Variants in NBAS observed in about 807,000 individuals in gnomAD.
NBAS encodes the protein NBAS subunit of NRZ tethering complex.
Under a neutral mutation model 302.5 loss-of-function variants are expected in NBAS, and 219 were observed. That is an observed-to-expected ratio of 0.72 (90% CI 0.65 to 0.81). NBAS has a LOEUF of 0.81. NBAS is among the 30% of genes least tolerant of loss of function. The probability of loss-of-function intolerance (pLI) is 0.00; values close to 1 mark genes in which losing one functional copy is unlikely to be tolerated. For synonymous variants in NBAS, 1,118 were observed against 1,021.6 expected (o/e 1.09, Z -1.80); for missense variants, 2,932 against 2,841.6 (o/e 1.03, Z -0.72).
At chr2:15,542,593 C>T (rs1162780450) in intron 6 of NBAS, among the ~76,000 whole-genome samples, 2 of 149,260 alleles carry the variant, frequency 1.3e-5, no homozygotes, top group East Asian at 3.9e-4. Flanking sequence ...TGCCAAATCC[C>T]CCTCTGCGAG....
chr2:15,239,558 C>A (rs1453588689), intron 44 of NBAS, among the ~76,000 whole-genome samples: 1 of 151,712 alleles, frequency 6.6e-6, no homozygotes, highest in Non-Finnish European at 1.5e-5. Context: ...TAAGCATTTC[C>A]TTTGAGCATC....
chr2:15,475,427 G>A (rs1029207073), intron 14 of NBAS, among the ~76,000 whole-genome samples: 3 of 151,890 alleles, frequency 2.0e-5, no homozygotes, highest in South Asian at 2.1e-4. Context: ...ATGACTAATC[G>A]AGGGAGGAAA....
intron 44 of NBAS, among the ~76,000 whole-genome samples, chr2:15,246,128 C>T (rs942638397): frequency 6.6e-5 from 10 of 152,198 alleles, no homozygotes; most frequent in African/African-American, 2.2e-4. Flanking sequence ...GAAATGTCTC[C>T]TTAGATTCCC....
At chr2:15,053,416 C>A in the NBAS span, among the ~76,000 whole-genome samples, 1 of 152,192 alleles carries the variant, frequency 6.6e-6, no homozygotes, top group South Asian at 2.1e-4. Context: ...GACCTTGAAC[C>A]AGGTCTAAGC....
the NBAS span, among the ~76,000 whole-genome samples, chr2:14,844,741 A>T: frequency 1.7e-3 from 263 of 152,270 alleles, no homozygotes; most frequent in African/African-American, 6.1e-3. Context: ...TGGGACCTTA[A>T]GGGAATATCA....
intron 40 of NBAS, among the ~76,000 whole-genome samples, chr2:15,297,765 A>C (rs963061766): frequency 6.6e-6 from 1 of 152,184 alleles, no homozygotes; most frequent in African/African-American, 2.4e-5. Flanking sequence ...CAAATGACAG[A>C]TTTTCAATGA....
intron 44 of NBAS, among the ~76,000 whole-genome samples, chr2:15,273,792 T>C (rs962650630): frequency 4.6e-5 from 7 of 152,080 alleles, no homozygotes; most frequent in Admixed American, 2.6e-4. Context: ...ATCACCCTTA[T>C]TGGCCGGGTG....
intron 8 of NBAS, among the ~76,000 whole-genome samples, chr2:15,535,742 A>C (rs1326910807): frequency 6.6e-6 from 1 of 152,172 alleles, no homozygotes; most frequent in Admixed American, 6.5e-5. Context: ...TACATGTTCA[A>C]TACAGACACA....
At chr2:15,000,745 C>T in the NBAS span, among the ~76,000 whole-genome samples, 1 of 152,276 alleles carries the variant, frequency 6.6e-6, no homozygotes, top group Non-Finnish European at 1.5e-5. Context: ...GGACGTTCTA[C>T]AAAGGCAAGC....
At chr2:15,051,813 AG>A in the NBAS span, among the ~76,000 whole-genome samples, 1 of 152,214 alleles carries the variant, frequency 6.6e-6, no homozygotes, top group Non-Finnish European at 1.5e-5. Flanking sequence ...GGACCAATTA[AG>A]GAACAACCCA....
chr2:15,342,492 A>G (rs1032350252), intron 35 of NBAS, among the ~76,000 whole-genome samples: 6 of 152,142 alleles, frequency 3.9e-5, no homozygotes, highest in African/African-American at 1.4e-4. Context: ...TTACAAAACA[A>G]AATAATAAAC....
chr2:15,034,018 GAAGAAGAAGAGGAGGAGGA>G, the NBAS span, among the ~76,000 whole-genome samples: 7 of 66,984 alleles, frequency 1.0e-4, no homozygotes, highest in African/African-American at 4.7e-4. Flanking sequence ...AGAAGAAGAA[GAAGAAGAAGAGGAGGAGGA>G]AGGAGGAGGA....
At chr2:15,101,865 C>A in the NBAS span, among the ~76,000 whole-genome samples, 1 of 152,214 alleles carries the variant, frequency 6.6e-6, no homozygotes. Flanking sequence ...AGTGACTAAT[C>A]TGAGGGATGC....
At chr2:14,993,150 T>C in the NBAS span, among the ~76,000 whole-genome samples, 1 of 152,126 alleles carries the variant, frequency 6.6e-6, no homozygotes, top group East Asian at 1.9e-4. Flanking sequence ...ACATTACATA[T>C]AGCACCTCAC....
chr2:15,216,137 G>A (rs1232588161), intron 48 of NBAS, among the ~76,000 whole-genome samples: 1 of 152,168 alleles, frequency 6.6e-6, no homozygotes, highest in Non-Finnish European at 1.5e-5. Context: ...TAAAGGAGGA[G>A]GGGGACACTC....
rs748340812 is a variant in NBAS at position 15,539,355 on chromosome 2, A to G, written c.381T>C (p.Val127=). ...TCCACTGGGGTTTCGGGTCTTTCGG[A>G]ACTAGAACAAAAGAAAACAAGAGGT... ...DFTSIIGKCQ[V]PKDPKPQWRR... is the part of the protein sequence containing the mutation. The change falls in exon 7 of 52, where the codon GTT becomes GTC. Residue 127 remains valine (V), a splice_region_variant and synonymous_variant. Coordinates refer to ENST00000281513, the MANE Select transcript of NBAS (RefSeq NM_015909.4). The G allele has an allele frequency of 6.2e-7, 1 of 1,614,202 alleles. No individual in the cohort carries two copies. Among genetic ancestry groups the G allele is most frequent in the Non-Finnish European group, 8.5e-7 (1 of 1,180,028 alleles).
At chr2:15,170,015 A>T (rs1218451800) in intron 51 of NBAS, among the ~76,000 whole-genome samples, 3 of 152,256 alleles carry the variant, frequency 2.0e-5, no homozygotes, top group African/African-American at 7.2e-5. Flanking sequence ...CACAGATAAA[A>T]GGCTCAGAAT....
chr2:15,558,176 T>G (rs1004724926), intron 2 of NBAS, among the ~76,000 whole-genome samples: 2 of 152,286 alleles, frequency 1.3e-5, no homozygotes, highest in African/African-American at 4.8e-5. Flanking sequence ...GGGTTTGCAC[T>G]TCCCTGATAA....
chr2:15,154,074 A>T, the NBAS span, among the ~76,000 whole-genome samples: 1 of 152,222 alleles, frequency 6.6e-6, no homozygotes, highest in Non-Finnish European at 1.5e-5. Flanking sequence ...GGCACAGATT[A>T]TTACTCAAAC....
Sources: gnomAD v4.1 joint callset for allele counts (sites outside exome capture counted in the v4.1 genomes callset) on GRCh38, gnomAD v4.1.1 for gene constraint, MANE v1.5 for transcripts, NCBI Gene and HGNC (gene_info 2026-07-23, HGNC 2026-07-21) for gene names.